The following SLC14A2 variants were observed in gnomAD, a reference collection of about 807,000 sequenced individuals.
The protein encoded by SLC14A2 is urea transporter 2.
SLC14A2 carries 91 observed loss-of-function variants against 104.6 expected under a neutral mutation model. The ratio of observed to expected loss-of-function variants is 0.87; its 90% CI spans 0.73 to 1.04. The LOEUF is 1.04. Among genes scored for constraint, SLC14A2 ranks in the 50% least tolerant of loss-of-function variants. SLC14A2 has a pLI of 0.00. For missense variants in SLC14A2, 1,189 were observed against 1,156.0 expected, an observed-to-expected ratio of 1.03 and a Z score of -0.41; for synonymous variants, 476 against 466.4, an observed-to-expected ratio of 1.02 and a Z score of -0.27.
intron 1 of SLC14A2, among the ~76,000 whole-genome samples, chr18:45,471,218 GTT>G (rs1156892204): frequency 6.6e-6 from 1 of 152,106 alleles, no homozygotes; most frequent in Admixed American, 6.5e-5. Flanking sequence ...TCTTAGTGAG[GTT>G]TTATAAGCAT....
chr18:45,213,807 A>G (rs1243311565), intron 1 of SLC14A2, among the ~76,000 whole-genome samples: 2 of 152,190 alleles, frequency 1.3e-5, no homozygotes, highest in African/African-American at 2.4e-5. Flanking sequence ...AGTAAGGCAT[A>G]TACAATTTGG....
At chr18:45,627,281 T>A in intron 4 of SLC14A2, 134 bp downstream of exon 4, 1 of 697,794 alleles carries the variant, frequency 1.4e-6, no homozygotes, top group Non-Finnish European at 2.5e-6. Context: ...AGCAGGTCAC[T>A]GACAGTCCTT....
At chr18:45,636,476 C>A (rs74432829) in intron 5 of SLC14A2, among the ~76,000 whole-genome samples, 1 of 152,158 alleles carries the variant, frequency 6.6e-6, no homozygotes, top group Non-Finnish European at 1.5e-5. Context: ...GTTCTATTTT[C>A]CCCTGGCAGT....
chr18:45,343,451 C>T (rs2085417432), intron 1 of SLC14A2, among the ~76,000 whole-genome samples: 2 of 152,084 alleles, frequency 1.3e-5, no homozygotes, highest in African/African-American at 4.8e-5. Context: ...CTACTCCTCC[C>T]TCCTGTGACC....
At position 45,238,119 on chromosome 18, in the gene SLC14A2, A is replaced by G. The variant is rs146934678; in HGVS notation, c.-125+24928A>G. 1.1e-3 allele frequency among the ~76,000 whole-genome samples: 169 copies of G among 152,350 alleles called. 4 individuals carry two copies. In the South Asian group the frequency reaches 0.034, roughly 30 times the overall value. On this transcript the variant is annotated intron_variant, in intron 1 of 20. Transcript: ENST00000586448. ...AACAAAAAAAGCTCAGTAACTTCCT[A>G]AAAGCAACACAGAAAGTCCCCAAGC...
chr18:45,535,946 G>T (rs2043773939), intron 2 of SLC14A2, among the ~76,000 whole-genome samples: 1 of 152,170 alleles, frequency 6.6e-6, no homozygotes, highest in African/African-American at 2.4e-5. Flanking sequence ...GGCAATGAAT[G>T]AGCAAGTAAA....
chr18:45,522,410 T>C (rs1190288432), intron 2 of SLC14A2, among the ~76,000 whole-genome samples: 1 of 152,176 alleles, frequency 6.6e-6, no homozygotes, highest in African/African-American at 2.4e-5. Context: ...CTGGGAGAGT[T>C]TGAGCCCTGC....
intron 2 of SLC14A2, among the ~76,000 whole-genome samples, chr18:45,574,926 C>G (rs1401300039): frequency 6.6e-6 from 1 of 152,198 alleles, no homozygotes; most frequent in African/African-American, 2.4e-5. Flanking sequence ...ATAGCCACCA[C>G]TTGGCCTCCT....
chr18:45,551,191 C>A (rs571651091), intron 2 of SLC14A2, among the ~76,000 whole-genome samples: 1 of 152,086 alleles, frequency 6.6e-6, no homozygotes, highest in African/African-American at 2.4e-5. Flanking sequence ...TTCCTTTGCA[C>A]CAAGACACTA....
At chr18:45,358,051 G>A (rs765417266) in intron 1 of SLC14A2, among the ~76,000 whole-genome samples, 40 of 152,174 alleles carry the variant, frequency 2.6e-4, no homozygotes, top group Admixed American at 9.8e-4. Context: ...AGAGAGAGAG[G>A]CAGAGCAGAG....
At chr18:45,669,992 G>A (rs376421432) in intron 16 of SLC14A2, among the ~76,000 whole-genome samples, 1 of 152,218 alleles carries the variant, frequency 6.6e-6, no homozygotes, top group Admixed American at 6.5e-5. Context: ...GCTGGGCCTG[G>A]TGGCACATGC....
chr18:45,475,618 G>GTATA (rs2087347109), intron 1 of SLC14A2, among the ~76,000 whole-genome samples: 2 of 58,686 alleles, frequency 3.4e-5, no homozygotes, highest in Non-Finnish European at 6.7e-5. Context: ...TATATATTTA[G>GTATA]GATATATATA....
At chr18:45,583,195 G>T (rs2044521577) in intron 2 of SLC14A2, among the ~76,000 whole-genome samples, 1 of 152,130 alleles carries the variant, frequency 6.6e-6, no homozygotes, top group Non-Finnish European at 1.5e-5. Flanking sequence ...TTAACAGGAT[G>T]CCCTATTCCT....
intron 1 of SLC14A2, among the ~76,000 whole-genome samples, chr18:45,432,192 A>G (rs1449559361): frequency 6.6e-6 from 1 of 152,154 alleles, no homozygotes; most frequent in Non-Finnish European, 1.5e-5. Flanking sequence ...GTTGGAAAGG[A>G]TAACAACACT....
At chr18:45,616,740 C>A (rs1175021252) in intron 1 of SLC14A2, among the ~76,000 whole-genome samples, 1 of 152,062 alleles carries the variant, frequency 6.6e-6, no homozygotes, top group South Asian at 2.1e-4. Context: ...AAATAAATTG[C>A]CATTTATTCA....
intron 1 of SLC14A2, among the ~76,000 whole-genome samples, chr18:45,434,680 A>T (rs1364663941): frequency 3.3e-5 from 5 of 152,224 alleles, no homozygotes; most frequent in African/African-American, 1.2e-4. Flanking sequence ...ATTGAAAAAT[A>T]GTTTAAAAAA....
At chr18:45,305,009 C>T (rs1296948403) in intron 1 of SLC14A2, among the ~76,000 whole-genome samples, 2 of 106,816 alleles carry the variant, frequency 1.9e-5, no homozygotes, top group Non-Finnish European at 4.1e-5. Context: ...GCAGAAACTA[C>T]CCCCTGAGAA....
At chr18:45,351,097 C>T (rs1465664950) in intron 1 of SLC14A2, among the ~76,000 whole-genome samples, 1 of 152,158 alleles carries the variant, frequency 6.6e-6, no homozygotes, top group Non-Finnish European at 1.5e-5. Flanking sequence ...TTTGTCTTCT[C>T]AGTTCCTGTG....
intron 2 of SLC14A2, among the ~76,000 whole-genome samples, chr18:45,553,389 C>T (rs1314643016): frequency 3.9e-5 from 6 of 152,188 alleles, no homozygotes; most frequent in African/African-American, 1.4e-4. Flanking sequence ...CCTGATTCCT[C>T]CAACCTCTCT....
Sources: allele counts gnomAD v4.1 joint callset (sites outside exome capture counted in the v4.1 genomes callset), GRCh38; gene constraint gnomAD v4.1.1; transcripts MANE v1.5; gene names NCBI Gene and HGNC (gene_info 2026-07-23, HGNC 2026-07-21).